Variants in MYO18B observed in about 807,000 individuals in gnomAD.
MYO18B encodes the protein myosin XVIIIB, also known as unconventional myosin-XVIIIb.
In MYO18B, 204 loss-of-function variants were observed where a neutral mutation model predicts 273.0. That is an observed-to-expected ratio of 0.75 (90% CI 0.67 to 0.84). MYO18B has a LOEUF of 0.84. MYO18B is among the 40% of genes least tolerant of loss of function. The probability of loss-of-function intolerance (pLI) is 0.00; values close to 1 mark genes in which losing one functional copy is unlikely to be tolerated. For synonymous variants in MYO18B, 1,330 were observed against 1,305.7 expected, an observed-to-expected ratio of 1.02 and a Z score of -0.40; for missense variants, 3,212 against 3,287.6, an observed-to-expected ratio of 0.98 and a Z score of 0.56.
At position 25,874,392 on chromosome 22, in the gene MYO18B, G is replaced by A. The variant is rs532777099; in HGVS notation, c.4058G>A (p.Arg1353His). 27 of 1,613,810 alleles carry A rather than the reference G, an allele frequency of 1.7e-5. No individual in the cohort carries two copies. The highest frequency in any genetic ancestry group is 1.5e-4 in the African/African-American group (11 of 75,026). ...FQAACKGFLSRQEFKKLKIRR... is the reference protein window; with the variant it reads ...FQAACKGFLSHQEFKKLKIRR... ...GCGGCTTGCAAGGGCTTTCTGTCTC[G>A]CCAGGAATTCAAGAAGCTGAAGGTA... Residue 1353 changes from arginine (R) to histidine (H), a missense_variant, in exon 23 of 44, where the codon CGC (arginine) becomes CAC (histidine). Physicochemically the swap from Arg to His is conservative, Grantham distance 29. Transcript: ENST00000335473.
chr22:25,799,911 G>T (rs1249412505), intron 12 of MYO18B, among the ~76,000 whole-genome samples: 1 of 152,142 alleles, frequency 6.6e-6, no homozygotes, highest in Admixed American at 6.5e-5. Context: ...CAATGGCAAA[G>T]ATATGGAACC....
At chr22:25,783,236 C>T (rs1236762295) in intron 10 of MYO18B, among the ~76,000 whole-genome samples, 1 of 152,222 alleles carries the variant, frequency 6.6e-6, no homozygotes, top group Non-Finnish European at 1.5e-5. Flanking sequence ...TTCAGAGAGA[C>T]ATGGGTTTGA....
chr22:25,970,206 C>T (rs1318172644), intron 39 of MYO18B, among the ~76,000 whole-genome samples: 1 of 152,062 alleles, frequency 6.6e-6, no homozygotes, highest in African/African-American at 2.4e-5. Flanking sequence ...TTATCACTCT[C>T]ATCACTGTGA....
At chr22:25,969,688 G>A (rs1288855416) in intron 39 of MYO18B, among the ~76,000 whole-genome samples, 2 of 152,150 alleles carry the variant, frequency 1.3e-5, no homozygotes, top group African/African-American at 4.8e-5. Flanking sequence ...AGAAGAAAGA[G>A]CTTGACAGGA....
intron 22 of MYO18B, among the ~76,000 whole-genome samples, chr22:25,874,072 A>C (rs2091122704): frequency 6.6e-6 from 1 of 152,206 alleles, no homozygotes; most frequent in African/African-American, 2.4e-5. Flanking sequence ...CGTGGGCCAC[A>C]CTGAGTATCC....
At chr22:25,795,793 C>T (rs937532418) in intron 11 of MYO18B, among the ~76,000 whole-genome samples, 10 of 152,098 alleles carry the variant, frequency 6.6e-5, no homozygotes, top group African/African-American at 1.7e-4. Context: ...TATGCTTTGA[C>T]GTCGTCCCAA....
rs1441264091 is a variant in MYO18B, at chr22:25,768,308, T to C, written c.392T>C (p.Leu131Pro). The C allele has an allele frequency of 6.2e-7, 1 of 1,613,824 alleles. No individual in the cohort carries two copies. Among genetic ancestry groups the C allele is most frequent in the Non-Finnish European group, 8.5e-7 (1 of 1,179,814 alleles). ...ATCAATGGTGAGAAGGCCCAGGAGC[T>C]GGGCTCCAGTGCGACACCAACCAAA... Reference protein sequence around the residue: ...TSINGEKAQELGSSATPTKKT... With the variant: ...TSINGEKAQEPGSSATPTKKT... Residue 131 changes from leucine to proline, a missense_variant, in exon 4 of 44, where the codon CTG becomes CCG. Physicochemically the swap from Leu to Pro is moderately conservative, Grantham distance 98 (BLOSUM62 -3). Transcript: ENST00000335473.
intron 33 of MYO18B, among the ~76,000 whole-genome samples, chr22:25,917,733 T>C (rs1333022126): frequency 6.6e-6 from 1 of 152,218 alleles, no homozygotes; most frequent in African/African-American, 2.4e-5. Context: ...TTCTTGTCCC[T>C]TTACATTGCT....
At chr22:25,788,788 G>A (rs768352596) in intron 11 of MYO18B, among the ~76,000 whole-genome samples, 4 of 152,026 alleles carry the variant, frequency 2.6e-5, no homozygotes, top group Non-Finnish European at 2.9e-5. Flanking sequence ...GTAACAGCTG[G>A]TTCCATCTCC....
intron 9 of MYO18B, among the ~76,000 whole-genome samples, chr22:25,780,648 A>G (rs969546960): frequency 1.3e-5 from 2 of 150,310 alleles, no homozygotes; most frequent in Non-Finnish European, 3.0e-5. Flanking sequence ...AATAGTAATA[A>G]TAATAATAAA....
chr22:25,824,764 CCT>C (rs1201706743), intron 13 of MYO18B, among the ~76,000 whole-genome samples: 1 of 151,846 alleles, frequency 6.6e-6, no homozygotes, highest in Non-Finnish European at 1.5e-5. Context: ...TTGAAGATTA[CCT>C]CTCCTCTTCG....
intron 25 of MYO18B, among the ~76,000 whole-genome samples, chr22:25,886,393 A>T (rs571700916): frequency 6.6e-6 from 1 of 152,202 alleles, no homozygotes; most frequent in Non-Finnish European, 1.5e-5. Flanking sequence ...CAGTACCATG[A>T]GACTGAAGCC....
intron 11 of MYO18B, among the ~76,000 whole-genome samples, chr22:25,786,988 C>T (rs1817585008): frequency 6.6e-6 from 1 of 152,106 alleles, no homozygotes; most frequent in Non-Finnish European, 1.5e-5. Context: ...CCGAGGTGGG[C>T]AGATCACCTG....
intron 29 of MYO18B, chr22:25,900,916 CT>C (rs2091919528): frequency 6.6e-6 from 1 of 152,198 alleles, no homozygotes; most frequent in Admixed American, 6.5e-5. Context: ...GAATTTGGGG[CT>C]GAATCACTCC....
At chr22:25,902,993 G>T (rs1286509819) in intron 30 of MYO18B, 4 of 412,834 alleles carry the variant, frequency 9.7e-6, no homozygotes, top group Non-Finnish European at 1.8e-5. Context: ...TACCTGGGAG[G>T]TATAACAGGC....
chr22:25,854,036 G>C (rs1180878792), intron 21 of MYO18B, among the ~76,000 whole-genome samples: 1 of 152,152 alleles, frequency 6.6e-6, no homozygotes, highest in Non-Finnish European at 1.5e-5. Flanking sequence ...AAGACCTCAG[G>C]ATTTAATAAG....
the MYO18B span, among the ~76,000 whole-genome samples, chr22:26,042,783 A>G: frequency 6.6e-6 from 1 of 152,234 alleles, no homozygotes; most frequent in Admixed American, 6.5e-5. Context: ...ATTATGTGCT[A>G]GGCACTGGGC....
In MYO18B at chr22:25,835,456, G is replaced by C. The variant is rs772514187; in HGVS notation, c.3208+13G>C. Reference sequence around the variant, plus strand: ...GCTGGGACTGAAGGTAAGGAAGCAGGGGGCTGGGGATGGGGCCTGAGTCCA... The same window carrying C: ...GCTGGGACTGAAGGTAAGGAAGCAGCGGGCTGGGGATGGGGCCTGAGTCCA... On this transcript the variant is annotated intron_variant, in intron 17 of 43. Coordinates refer to ENST00000335473, the MANE Select transcript of MYO18B (RefSeq NM_032608.7). 5 of 1,613,480 alleles carry C rather than the reference G, an allele frequency of 3.1e-6. No individual in the cohort carries two copies. Among genetic ancestry groups the C allele is most frequent in the Admixed American group, 3.3e-5 (2 of 60,006 alleles).
intron 2 of MYO18B, among the ~76,000 whole-genome samples, chr22:25,762,426 C>A (rs560001563): frequency 9.9e-5 from 15 of 152,186 alleles, no homozygotes; most frequent in African/African-American, 3.6e-4. Flanking sequence ...ACTTTTTTTT[C>A]TTCTCATGGG....
Sources: allele counts gnomAD v4.1 joint callset (sites outside exome capture counted in the v4.1 genomes callset), GRCh38; gene constraint gnomAD v4.1.1; transcripts MANE v1.5; gene names NCBI Gene and HGNC (gene_info 2026-07-23, HGNC 2026-07-21).